Variants in ZNF678 observed in about 807,000 individuals in gnomAD.
ZNF678 encodes zinc finger protein 678.
Under a neutral mutation model 3.0 loss-of-function variants are expected in ZNF678, and 5 were observed. The observed-to-expected ratio is 1.69, with a 90% CI of 0.88 to 3.56. The LOEUF (loss-of-function observed/expected upper bound fraction) is 3.56, where lower values mean the gene tolerates loss of function less well. Among genes scored for constraint, ZNF678 ranks in the 30% most tolerant of loss-of-function variants. The pLI is 0.00. For missense variants in ZNF678, 593 were observed against 605.0 expected (o/e 0.98, Z 0.21); for synonymous variants, 218 against 199.6 (o/e 1.09, Z -0.78).
chr1:227,664,673 C>G (rs376669779), downstream of ZNF678, among the ~76,000 whole-genome samples: 34 of 152,264 alleles, frequency 2.2e-4, no homozygotes, highest in African/African-American at 7.9e-4. Context: ...TTGAGCATTT[C>G]CTACTGAGTA....
intron 1 of ZNF678, among the ~76,000 whole-genome samples, chr1:227,603,315 G>A (rs1657782153): frequency 1.3e-5 from 2 of 152,190 alleles, no homozygotes; most frequent in Admixed American, 1.3e-4. Flanking sequence ...ACTTTCTGTT[G>A]CCAGGTTGGG....
chr1:227,653,800 T>C lies in ZNF678; in HGVS notation c.86-536T>C, dbSNP rs190699211. On this transcript the variant is annotated intron_variant, in intron 3 of 3. Transcript: ENST00000343776. ...GTCTGTGGCACTGTGATCTCTCTGCTGCAGTAGCAATTATTTACCTTTTTC... is the reference window on the plus strand; with the variant it reads ...GTCTGTGGCACTGTGATCTCTCTGCCGCAGTAGCAATTATTTACCTTTTTC... Among the ~76,000 whole-genome samples, 84 of 152,236 alleles carry C rather than the reference T, an allele frequency of 5.5e-4. 2 individuals are homozygous for C. The highest frequency in any genetic ancestry group is 5.5e-3 in the Admixed American group (84 of 15,256).
chr1:227,617,784 T>G lies in ZNF678; in HGVS notation c.-163-28760T>G, dbSNP rs549022393. 5.1e-4 allele frequency among the ~76,000 whole-genome samples: 77 copies of G among 152,270 alleles called. 2 individuals are homozygous for G. The South Asian group carries it at 0.015, about 30-fold the overall frequency. On this transcript the variant is annotated intron_variant, in intron 1 of 3. Transcript: ENST00000343776. ...TACATAAATAGATGTCTTTAAAATA[T>G]CCTCCAAAATGAAGCTACCCATCTT...
chr1:227,629,265 T>G (rs1658494239), intron 1 of ZNF678, among the ~76,000 whole-genome samples: 1 of 152,222 alleles, frequency 6.6e-6, no homozygotes, highest in Admixed American at 6.5e-5. Flanking sequence ...CATTCTTTAC[T>G]CGTCCATATT....
chr1:227,616,886 A>G (rs576286440), intron 1 of ZNF678, among the ~76,000 whole-genome samples: 2 of 152,316 alleles, frequency 1.3e-5, no homozygotes, highest in South Asian at 2.1e-4. Context: ...TTGCTGAATG[A>G]CATGAAAAGC....
intron 2 of ZNF678, among the ~76,000 whole-genome samples, chr1:227,647,889 A>C (rs1658995989): frequency 6.6e-6 from 1 of 152,196 alleles, no homozygotes; most frequent in Non-Finnish European, 1.5e-5. Flanking sequence ...TGAAATTTGC[A>C]AGAGTAGTGG....
rs924417301 is a variant in ZNF678 at position 227,661,734 on chromosome 1, C to T, written c.*5906C>T. The T allele has an allele frequency of 1.3e-5, 2 of 152,124 alleles. No homozygotes were observed. The highest frequency in any genetic ancestry group is 4.8e-5 in the African/African-American group (2 of 41,410). The allele number at this position is 152,124 out of a possible 1,614,324, so 9.4% of individuals were successfully genotyped here. ...ATCAGTGTGTCTTGGAAGGGACAAA[C>T]ATTGAGCTTCTGAACAGCTACTCCA... On this transcript the variant is annotated 3_prime_UTR_variant, in exon 4 of 4. Coordinates refer to ENST00000343776, the MANE Select transcript of ZNF678 (RefSeq NM_001367909.1).
chr1:227,672,575 G>A, intron 5 of ZNF678, among the ~76,000 whole-genome samples: 1 of 152,112 alleles, frequency 6.6e-6, no homozygotes, highest in East Asian at 1.9e-4. Context: ...CCAGGGTCAG[G>A]TCGGTCTGGT....
At chr1:227,641,899 C>T (rs1002689020) in intron 1 of ZNF678, among the ~76,000 whole-genome samples, 7 of 152,194 alleles carry the variant, frequency 4.6e-5, no homozygotes, top group Non-Finnish European at 8.8e-5. Context: ...ATTGAGTAGG[C>T]GTTAAGACTC....
chr1:227,573,065 G>A (rs188434497), intron 1 of ZNF678, among the ~76,000 whole-genome samples: 3 of 152,366 alleles, frequency 2.0e-5, no homozygotes, highest in South Asian at 2.1e-4. Context: ...ATTCTGCCAC[G>A]TGGCATGGGG....
chr1:227,629,114 T>C (rs1238805210), intron 1 of ZNF678, among the ~76,000 whole-genome samples: 5 of 152,208 alleles, frequency 3.3e-5, no homozygotes, highest in African/African-American at 9.6e-5. Flanking sequence ...TTGCAGGGGC[T>C]ATTGCATGGT....
At chr1:227,622,894 AG>A (rs1444319671) in intron 1 of ZNF678, among the ~76,000 whole-genome samples, 6 of 152,362 alleles carry the variant, frequency 3.9e-5, no homozygotes, top group African/African-American at 1.4e-4. Context: ...GCTGCATTCC[AG>A]GAAACCGGGA....
chr1:227,578,844 C>G (rs1177141640), intron 1 of ZNF678, among the ~76,000 whole-genome samples: 1 of 152,190 alleles, frequency 6.6e-6, no homozygotes, highest in Non-Finnish European at 1.5e-5. Flanking sequence ...AGGGTTCTTG[C>G]ACTGATTGTT....
intron 1 of ZNF678, among the ~76,000 whole-genome samples, chr1:227,567,258 G>A (rs1656711959): frequency 6.6e-6 from 1 of 152,158 alleles, no homozygotes; most frequent in South Asian, 2.1e-4. Context: ...AAATGTAAGT[G>A]TCTTACAATT....
At chr1:227,580,317 C>T (rs1408373069) in intron 1 of ZNF678, among the ~76,000 whole-genome samples, 1 of 152,104 alleles carries the variant, frequency 6.6e-6, no homozygotes, top group Admixed American at 6.6e-5. Context: ...CTATCTTGCC[C>T]TCCCCTGCTG....
At chr1:227,594,758 A>G (rs1248314674) in intron 1 of ZNF678, among the ~76,000 whole-genome samples, 2 of 152,148 alleles carry the variant, frequency 1.3e-5, no homozygotes, top group Admixed American at 6.5e-5. Context: ...CTGACTTATT[A>G]CAAATATTTG....
At chr1:227,679,288 A>G (rs1291833620), downstream of ZNF678, among the ~76,000 whole-genome samples, 2 of 152,178 alleles carry the variant, frequency 1.3e-5, no homozygotes, top group African/African-American at 4.8e-5. Flanking sequence ...CTTATGCCCA[A>G]TTTCTGCCCC....
intron 1 of ZNF678, among the ~76,000 whole-genome samples, chr1:227,622,075 G>T (rs187897209): frequency 6.6e-6 from 1 of 152,330 alleles, no homozygotes; most frequent in Non-Finnish European, 1.5e-5. Context: ...TTTGCATTCT[G>T]TAGAGAATCT....
intron 1 of ZNF678, among the ~76,000 whole-genome samples, chr1:227,636,594 G>A (rs1658685591): frequency 6.6e-6 from 1 of 152,180 alleles, no homozygotes; most frequent in Admixed American, 6.5e-5. Flanking sequence ...GATCCGTTGT[G>A]GAGGCTATTT....
Sources: allele counts gnomAD v4.1 joint callset (sites outside exome capture counted in the v4.1 genomes callset), GRCh38; gene constraint gnomAD v4.1.1; transcripts MANE v1.5; gene names NCBI Gene and HGNC (gene_info 2026-07-23, HGNC 2026-07-21).